Variants in MAP3K5 observed in about 807,000 individuals in gnomAD.
MAP3K5 encodes mitogen-activated protein kinase kinase kinase 5.
MAP3K5 carries 56 observed loss-of-function variants against 158.7 expected under a neutral mutation model. That is an observed-to-expected ratio of 0.35 (90% CI 0.28 to 0.44). MAP3K5 has a LOEUF of 0.44. Ranked by LOEUF, MAP3K5 falls within the 20% of genes least tolerant of loss-of-function variation. The pLI, the probability that MAP3K5 is intolerant of heterozygous loss-of-function variation, is 1.00. For missense variants in MAP3K5, 1,294 were observed against 1,674.8 expected (o/e 0.77, Z 3.97); for synonymous variants, 579 against 601.7 (o/e 0.96, Z 0.55).
At chr6:136,567,477 G>A (rs1774170233) in intron 26 of MAP3K5, among the ~76,000 whole-genome samples, 154 bp downstream of exon 26, 1 of 152,230 alleles carries the variant, frequency 6.6e-6, no homozygotes, top group African/African-American at 2.4e-5. Flanking sequence ...TTTGACAAAA[G>A]AGGCTAAACT....
At chr6:136,664,895 C>T (rs890480470) in intron 8 of MAP3K5, among the ~76,000 whole-genome samples, 2 of 152,170 alleles carry the variant, frequency 1.3e-5, no homozygotes, top group African/African-American at 2.4e-5. Context: ...CGCACCACTG[C>T]ACTCCAGACC....
At chr6:136,622,005 G>A (rs1776825985) in intron 15 of MAP3K5, among the ~76,000 whole-genome samples, 1 of 151,874 alleles carries the variant, frequency 6.6e-6, no homozygotes, top group Non-Finnish European at 1.5e-5. Flanking sequence ...AGACTGGCAT[G>A]GACCCAGGAG....
intron 18 of MAP3K5, among the ~76,000 whole-genome samples, chr6:136,608,826 G>T (rs1776210595): frequency 6.6e-6 from 1 of 152,190 alleles, no homozygotes; most frequent in Admixed American, 6.5e-5. Context: ...TCCATAAATG[G>T]TGATCACTGC....
chr6:136,586,666 C>T (rs971623245), intron 23 of MAP3K5, among the ~76,000 whole-genome samples: 9 of 152,042 alleles, frequency 5.9e-5, no homozygotes, highest in Admixed American at 1.3e-4. Flanking sequence ...TTGATTGGAT[C>T]GAAGGATACA....
intron 1 of MAP3K5, among the ~76,000 whole-genome samples, chr6:136,758,059 CAA>C (rs1450509525): frequency 1.3e-5 from 2 of 152,154 alleles, no homozygotes; most frequent in African/African-American, 4.8e-5. Context: ...TACCAGCACC[CAA>C]TGCACAACTT....
chr6:136,709,170 T>C (rs1249492094), intron 2 of MAP3K5, among the ~76,000 whole-genome samples: 5 of 152,222 alleles, frequency 3.3e-5, no homozygotes, highest in South Asian at 4.1e-4. Flanking sequence ...GCAAAGACCA[T>C]GTATTTTATT....
At chr6:136,746,064 C>G (rs904080281) in intron 1 of MAP3K5, among the ~76,000 whole-genome samples, 2 of 152,178 alleles carry the variant, frequency 1.3e-5, no homozygotes, top group African/African-American at 4.8e-5. Flanking sequence ...GTGCGAAATG[C>G]TGATGATGTT....
At chr6:136,576,785 G>A (rs1428620231) in intron 25 of MAP3K5, among the ~76,000 whole-genome samples, 1 of 152,068 alleles carries the variant, frequency 6.6e-6, no homozygotes, top group Non-Finnish European at 1.5e-5. Flanking sequence ...AGTCAAGGAT[G>A]GATCGCATAT....
At position 136,694,172 on chromosome 6, in the gene MAP3K5, C is replaced by G. The variant is rs145409110; in HGVS notation, c.1221G>C (p.Thr407=). 4.3e-6 allele frequency: 7 copies of G among 1,613,164 alleles called. No homozygotes were observed. The highest frequency in any genetic ancestry group is 2.2e-5 in the East Asian group (1 of 44,812). Residue 407 remains threonine (T), a synonymous_variant, in exon 7 of 30, where the codon ACG becomes ACC. Coordinates refer to ENST00000359015, the MANE Select transcript of MAP3K5 (RefSeq NM_005923.4). ...YKDMFLDSNF[T]DTESRDHGAS... ...CTCCATGGTCTCTGCTTTCAGTGTCCGTGAAATTAGAGTCCAAAAACATAT... is the reference window on the plus strand; with the variant it reads ...CTCCATGGTCTCTGCTTTCAGTGTCGGTGAAATTAGAGTCCAAAAACATAT...
rs1399491012 is a variant in MAP3K5, at chr6:136,656,387, C to T, written c.1600G>A (p.Ala534Thr). 1.2e-6 allele frequency: 2 copies of T among 1,613,460 alleles called. No individual in the cohort carries two copies. The highest frequency in any genetic ancestry group is 8.5e-7 in the Non-Finnish European group (1 of 1,179,450). ...CAAAAGTCCACAAGTTCTTGCTTGG[C>T]CACAGGCTGTTCTGTGGTCAGTTTC... ...FVKLTTEQPV[A>T]KQELVDFWMD... is the part of the protein sequence containing the mutation. Residue 534 changes from alanine (A) to threonine (T), a missense_variant, in exon 10 of 30, where the codon GCC becomes ACC. Coordinates refer to ENST00000359015, the MANE Select transcript of MAP3K5 (RefSeq NM_005923.4).
intron 8 of MAP3K5, among the ~76,000 whole-genome samples, chr6:136,664,893 T>G (rs1284563829): frequency 6.6e-6 from 1 of 152,166 alleles, no homozygotes; most frequent in Admixed American, 6.5e-5. Flanking sequence ...ATCGCACCAC[T>G]GCACTCCAGA....
At chr6:136,583,379 A>G (rs1774973999) in intron 24 of MAP3K5, among the ~76,000 whole-genome samples, 176 bp downstream of exon 24, 2 of 152,260 alleles carry the variant, frequency 1.3e-5, no homozygotes, top group Admixed American at 1.3e-4. Context: ...GCAAACACAC[A>G]AAACAACAAA....
chr6:136,662,274 A>AG (rs1172779163), intron 8 of MAP3K5, among the ~76,000 whole-genome samples: 2 of 152,178 alleles, frequency 1.3e-5, no homozygotes, highest in Non-Finnish European at 2.9e-5. Context: ...CTTCCCAGTG[A>AG]GGGGGACTAT....
At chr6:136,749,658 C>T (rs1582636532) in intron 1 of MAP3K5, among the ~76,000 whole-genome samples, 1 of 152,018 alleles carries the variant, frequency 6.6e-6, no homozygotes, top group East Asian at 1.9e-4. Context: ...GCAATTACCA[C>T]GAACTTAAAA....
At position 136,707,048 on chromosome 6, in the gene MAP3K5, G is replaced by A. The variant is rs541480478; in HGVS notation, c.589-1915C>T. 1.8e-4 allele frequency among the ~76,000 whole-genome samples: 28 copies of A among 152,212 alleles called. No individual in the cohort carries two copies. The South Asian group carries it at 4.8e-3, about 26-fold the overall frequency. On this transcript the variant is annotated intron_variant, in intron 2 of 29. Transcript: ENST00000359015. The stretch of plus-strand genomic sequence containing the variant: ...CTCACATCTATAGACCAAGCTACTT[G>A]GAAGGCTGGGGCAGGAGGATCACTT...
At chr6:136,788,324 C>T (rs1784930886) in intron 1 of MAP3K5, among the ~76,000 whole-genome samples, 2 of 152,224 alleles carry the variant, frequency 1.3e-5, no homozygotes, top group Middle Eastern at 6.8e-3. Flanking sequence ...CCATAAGAGT[C>T]CTAGAAGAAA....
chr6:136,558,673 G>T, intron 29 of MAP3K5, 127 bp downstream of exon 29: 1 of 593,142 alleles, frequency 1.7e-6, no homozygotes. Context: ...ACTCAGAGCA[G>T]CTAAGAGCTA....
chr6:136,693,995 A>C (rs1780495868), intron 7 of MAP3K5, 145 bp downstream of exon 7: 1 of 624,466 alleles, frequency 1.6e-6, no homozygotes, highest in African/African-American at 1.9e-5. Context: ...CTCAAAAATA[A>C]AATAAAATAA....
chr6:136,792,716 C>T (rs117408863), upstream of MAP3K5, among the ~76,000 whole-genome samples: 589 of 152,338 alleles, frequency 3.9e-3, 16 homozygotes, highest in South Asian at 0.057. This position sits in a 1 kb window ranked among gnomAD's most constrained non-coding sequence, Gnocchi z 5.7. Context: ...ACCCTCCTCC[C>T]TCTTAGGCGG....
Sources: gnomAD v4.1 joint callset for allele counts (sites outside exome capture counted in the v4.1 genomes callset) on GRCh38, gnomAD v4.1.1 for gene constraint, Gnocchi (gnomAD v3.1) non-coding constraint, MANE v1.5 for transcripts, NCBI Gene and HGNC (gene_info 2026-07-23, HGNC 2026-07-21) for gene names.